SOX6: variants seen among roughly 807,000 people sequenced by gnomAD.
SOX6 encodes SRY-box transcription factor 6, also known as transcription factor SOX-6.
In SOX6, 11 loss-of-function variants were observed where a neutral mutation model predicts 97.8. That is an observed-to-expected ratio of 0.11 (90% CI 0.07 to 0.19). The LOEUF (loss-of-function observed/expected upper bound fraction) is 0.19. SOX6 is among the 10% of genes least tolerant of loss of function. SOX6 has a pLI of 1.00. For missense variants in SOX6, 810 were observed against 1,039.5 expected, an observed-to-expected ratio of 0.78 and a Z score of 3.04; for synonymous variants, 360 against 371.4, an observed-to-expected ratio of 0.97 and a Z score of 0.35.
intron 6 of SOX6, among the ~76,000 whole-genome samples, chr11:16,171,207 G>A (rs1455832044): frequency 2.6e-5 from 4 of 151,824 alleles, no homozygotes; most frequent in Non-Finnish European, 4.4e-5. Context: ...ATAAGAAGCT[G>A]GTAGCACAAG....
At chr11:16,535,303 G>C (rs988557939) in intron 4 of SOX6, among the ~76,000 whole-genome samples, 15 of 152,172 alleles carry the variant, frequency 9.9e-5, no homozygotes, top group African/African-American at 3.4e-4. Flanking sequence ...AACAGGGAAA[G>C]CTATTATTTA....
At chr11:16,183,337 CA>C (rs34890460) in intron 6 of SOX6, among the ~76,000 whole-genome samples, 83,104 of 151,644 alleles carry the variant, frequency 0.55, 23,181 homozygotes, top group East Asian at 0.75. Context: ...TATTCAGGAA[CA>C]AGTTTTTCTT....
chr11:16,495,243 T>A (rs1860575715), intron 4 of SOX6, among the ~76,000 whole-genome samples: 2 of 152,280 alleles, frequency 1.3e-5, no homozygotes, highest in East Asian at 3.9e-4. Context: ...TGTCTATAGC[T>A]GCTACCACTG....
intron 1 of SOX6, among the ~76,000 whole-genome samples, chr11:16,429,725 G>A (rs928663832): frequency 6.6e-6 from 1 of 151,908 alleles, no homozygotes; most frequent in Non-Finnish European, 1.5e-5. Context: ...TAACTTATAA[G>A]TACTAGGCTT....
At chr11:16,076,273 AG>A (rs1848349281) in intron 9 of SOX6, among the ~76,000 whole-genome samples, 1 of 152,188 alleles carries the variant, frequency 6.6e-6, no homozygotes, top group African/African-American at 2.4e-5. Flanking sequence ...ATCTAATTAA[AG>A]ACCTTCTGCA....
At chr11:16,600,099 C>T (rs1848251585) in intron 4 of SOX6, among the ~76,000 whole-genome samples, 1 of 152,208 alleles carries the variant, frequency 6.6e-6, no homozygotes, top group African/African-American at 2.4e-5. Context: ...AAGAAGTATG[C>T]AAGAGGCAAC....
At chr11:16,653,999 T>G (rs920338802) in intron 3 of SOX6, among the ~76,000 whole-genome samples, 5 of 152,102 alleles carry the variant, frequency 3.3e-5, no homozygotes, top group African/African-American at 1.2e-4. Context: ...TACCACTATA[T>G]TTTATTAATG....
intron 7 of SOX6, among the ~76,000 whole-genome samples, chr11:16,107,918 T>G (rs1483897959): frequency 6.6e-6 from 1 of 152,128 alleles, no homozygotes; most frequent in Non-Finnish European, 1.5e-5. Context: ...GCATTTCCAA[T>G]GGATAAGGAT....
intron 4 of SOX6, among the ~76,000 whole-genome samples, chr11:16,224,525 C>T (rs1218657866): frequency 6.6e-6 from 1 of 151,854 alleles, no homozygotes; most frequent in African/African-American, 2.4e-5. Flanking sequence ...GTCTCTAACC[C>T]CAAGTGGGGG....
chr11:16,287,257 G>GTCTCTC (rs56921161), intron 3 of SOX6, among the ~76,000 whole-genome samples: 12 of 120,580 alleles, frequency 1.0e-4, no homozygotes, highest in African/African-American at 3.9e-4. Context: ...TCTTCTCTCT[G>GTCTCTC]TCTCTCTCTC....
chr11:16,436,802 T>C (rs1438213540), intron 1 of SOX6, among the ~76,000 whole-genome samples: 2 of 151,912 alleles, frequency 1.3e-5, no homozygotes, highest in African/African-American at 4.9e-5. Flanking sequence ...ATTTTAACTG[T>C]CTGACATCTC....
chr11:16,367,282 G>A (rs1857383481), intron 1 of SOX6, among the ~76,000 whole-genome samples: 2 of 152,124 alleles, frequency 1.3e-5, no homozygotes, highest in Non-Finnish European at 2.9e-5. Context: ...TATATCTTCA[G>A]TTTTCAACTG....
At chr11:16,439,766 T>C (rs12800228) in intron 1 of SOX6, among the ~76,000 whole-genome samples, 45,803 of 152,084 alleles carry the variant, frequency 0.3, 7,057 homozygotes, top group East Asian at 0.52. Context: ...AGGGAAACAG[T>C]ATACAGTTGT....
rs1859089989 is a variant in SOX6 at position 16,424,686 on chromosome 11, T to A, written c.-5+51629A>T. On this transcript the variant is annotated intron_variant, in intron 1 of 15. Coordinates refer to the SOX6 transcript ENST00000396356. ...AAACAGAAAAGACTATGGATGGAAT[T>A]CCTAGATGTGAGATACACAAAGTTC... is the stretch of plus-strand genomic sequence containing the variant. Among the ~76,000 whole-genome samples the A allele has an allele frequency of 2.6e-5, 4 of 152,320 alleles. No homozygotes were observed. The South Asian group carries it at 8.3e-4, about 32-fold the overall frequency.
At chr11:16,447,691 A>G (rs1183675592) in intron 1 of SOX6, among the ~76,000 whole-genome samples, 1 of 152,210 alleles carries the variant, frequency 6.6e-6, no homozygotes, top group East Asian at 1.9e-4. Context: ...TTCTTTGAAA[A>G]CAATGGCAGA....
intron 1 of SOX6, chr11:16,382,369 T>C (rs944626413): frequency 6.6e-6 from 1 of 152,088 alleles, no homozygotes; most frequent in Non-Finnish European, 1.5e-5. Flanking sequence ...GCTGTCATTA[T>C]TTCTAATTGA....
At chr11:16,313,580 T>G (rs1265323901) in intron 3 of SOX6, 3 of 152,144 alleles carry the variant, frequency 2.0e-5, no homozygotes, top group Non-Finnish European at 4.4e-5. Flanking sequence ...TTATACCTCC[T>G]TAGACCTAGA....
At chr11:16,220,736 T>C (rs2134156656) in intron 4 of SOX6, among the ~76,000 whole-genome samples, 1 of 152,178 alleles carries the variant, frequency 6.6e-6, no homozygotes, top group East Asian at 1.9e-4. Context: ...AATCTTCACA[T>C]TAATCCTGAA....
At chr11:16,543,459 T>A (rs1861438356) in intron 4 of SOX6, among the ~76,000 whole-genome samples, 1 of 151,886 alleles carries the variant, frequency 6.6e-6, no homozygotes, top group African/African-American at 2.4e-5. Flanking sequence ...AAGTCCCCAG[T>A]GATGACATGA....
Sources: allele counts gnomAD v4.1 joint callset (sites outside exome capture counted in the v4.1 genomes callset), GRCh38; gene constraint gnomAD v4.1.1; transcripts MANE v1.5; gene names NCBI Gene and HGNC (gene_info 2026-07-23, HGNC 2026-07-21).